Variants in STK32B observed in about 807,000 individuals in gnomAD.
STK32B encodes the protein serine/threonine kinase 32B, also known as serine/threonine-protein kinase 32B.
Under a neutral mutation model 52.6 loss-of-function variants are expected in STK32B, and 43 were observed. The observed-to-expected ratio is 0.82, with a 90% CI of 0.64 to 1.05. The LOEUF is 1.05. Among genes scored for constraint, STK32B ranks in the 50% least tolerant of loss-of-function variants. STK32B has a pLI of 0.00. For missense variants in STK32B, 621 were observed against 534.6 expected, an observed-to-expected ratio of 1.16 and a Z score of -1.59; for synonymous variants, 238 against 204.3, an observed-to-expected ratio of 1.17 and a Z score of -1.41.
At chr4:5,113,423 C>T (rs528372513) in intron 1 of STK32B, among the ~76,000 whole-genome samples, 37 of 152,104 alleles carry the variant, frequency 2.4e-4, no homozygotes, top group Non-Finnish European at 3.8e-4. Context: ...ACCAAGACAC[C>T]GTGTGAATGC....
chr4:5,290,114 A>T (rs10012130), intron 3 of STK32B, among the ~76,000 whole-genome samples: 16,640 of 152,064 alleles, frequency 0.11, 938 homozygotes, highest in South Asian at 0.16. Context: ...CATGCAGTAT[A>T]TGGTATTCTG....
chr4:5,169,001 C>T (rs1190313160), intron 3 of STK32B, among the ~76,000 whole-genome samples: 3 of 152,188 alleles, frequency 2.0e-5, no homozygotes, highest in Non-Finnish European at 4.4e-5. Context: ...GTTGGTGGTT[C>T]CCTGCCTCTG....
intron 7 of STK32B, among the ~76,000 whole-genome samples, chr4:5,455,983 C>G (rs930385880): frequency 6.6e-6 from 1 of 152,144 alleles, no homozygotes; most frequent in African/African-American, 2.4e-5. Flanking sequence ...GGCCATGATA[C>G]CAACCTGAAA....
chr4:5,247,449 C>T (rs1333593403), intron 3 of STK32B, among the ~76,000 whole-genome samples: 4 of 152,026 alleles, frequency 2.6e-5, no homozygotes, highest in East Asian at 1.9e-4. Flanking sequence ...GGGAGTGACC[C>T]GATTTTCCAG....
intron 3 of STK32B, among the ~76,000 whole-genome samples, chr4:5,264,832 C>A (rs930194510): frequency 6.6e-6 from 1 of 152,066 alleles, no homozygotes; most frequent in Non-Finnish European, 1.5e-5. Context: ...TTTATATATT[C>A]CTGATGAAAG....
rs549815786 is a variant in STK32B, at chr4:5,399,630, T to C, written c.472+1386T>C. Reference sequence around the variant, plus strand: ...AACGTCTCCAGTTTGTATCTAAAAGTCAGGATCTTCAGATGTGGCACTCAG... The same window carrying C: ...AACGTCTCCAGTTTGTATCTAAAAGCCAGGATCTTCAGATGTGGCACTCAG... On this transcript the variant is annotated intron_variant, in intron 5 of 11. Transcript: ENST00000282908. The surrounding 1 kb of genome is among the most constrained non-coding windows in gnomAD (Gnocchi z 5.4). Among the ~76,000 whole-genome samples, 1 of 152,226 alleles carries C rather than the reference T, an allele frequency of 6.6e-6. No homozygotes were observed. Among genetic ancestry groups the C allele is most frequent in the South Asian group, 2.1e-4 (1 of 4,814 alleles).
At chr4:5,049,098 AACTTTG>A (rs1741670537), upstream of STK32B, among the ~76,000 whole-genome samples, 1 of 152,160 alleles carries the variant, frequency 6.6e-6, no homozygotes, top group African/African-American at 2.4e-5. Context: ...AGGCCTGGAG[AACTTTG>A]CACCAGTAGC....
chr4:5,333,819 T>G (rs1246246754), intron 4 of STK32B, among the ~76,000 whole-genome samples: 3 of 152,204 alleles, frequency 2.0e-5, no homozygotes, highest in Non-Finnish European at 4.4e-5. Flanking sequence ...GGCTCTGTTG[T>G]GTTCCATTGA....
chr4:5,270,706 G>A (rs28856701), intron 3 of STK32B, among the ~76,000 whole-genome samples: 10,469 of 152,102 alleles, frequency 0.069, 432 homozygotes, highest in East Asian at 0.12. Flanking sequence ...AGCTATTTCT[G>A]TAAGGCAAGA....
intron 3 of STK32B, among the ~76,000 whole-genome samples, chr4:5,318,909 C>T (rs985488229): frequency 2.6e-5 from 4 of 151,948 alleles, no homozygotes; most frequent in East Asian, 1.9e-4. Context: ...ATGCCATTCA[C>T]CTGCCTCAGC....
At chr4:5,358,121 A>G (rs1002695432) in intron 4 of STK32B, among the ~76,000 whole-genome samples, 15 of 152,184 alleles carry the variant, frequency 9.9e-5, no homozygotes, top group African/African-American at 3.4e-4. Flanking sequence ...AGTGAGATAC[A>G]AGAGAATCCA....
At chr4:5,437,005 C>T (rs943720361) in intron 6 of STK32B, among the ~76,000 whole-genome samples, 1 of 152,196 alleles carries the variant, frequency 6.6e-6, no homozygotes, top group South Asian at 2.1e-4. Flanking sequence ...TTATTAAGTG[C>T]CTTCTGTATA....
rs78849090 is a variant in STK32B at position 5,439,316 on chromosome 4, T to G, written c.563-7357T>G. 2.4e-4 allele frequency among the ~76,000 whole-genome samples: 37 copies of G among 151,530 alleles called. 1 individual carries two copies. The East Asian group carries it at 5.4e-3, about 22-fold the overall frequency. On this transcript the variant is annotated intron_variant, in intron 6 of 11. Coordinates refer to ENST00000282908, the MANE Select transcript of STK32B (RefSeq NM_018401.3). ...CATTCTAACTGGTGTGAGATGGTATTTCATTGTGGTTTGGATTTGCATTTC... is the reference window on the plus strand; with the variant it reads ...CATTCTAACTGGTGTGAGATGGTATGTCATTGTGGTTTGGATTTGCATTTC...
chr4:5,437,247 C>T (rs748594148), intron 6 of STK32B, among the ~76,000 whole-genome samples: 37 of 152,366 alleles, frequency 2.4e-4, no homozygotes, highest in Non-Finnish European at 2.1e-4. Context: ...CAAATTACTA[C>T]GAACTGAGTG....
At chr4:5,387,279 T>C (rs1044652549) in intron 4 of STK32B, among the ~76,000 whole-genome samples, 2 of 152,176 alleles carry the variant, frequency 1.3e-5, no homozygotes, top group African/African-American at 4.8e-5. Flanking sequence ...CAGTGTCTGT[T>C]GAACACCTGC....
At chr4:5,223,988 A>C (rs1056449569) in intron 3 of STK32B, among the ~76,000 whole-genome samples, 5 of 152,152 alleles carry the variant, frequency 3.3e-5, no homozygotes, top group East Asian at 3.9e-4. Context: ...TTTTGTAAGC[A>C]CATAACTTGT....
chr4:5,390,628 T>G (rs1476286069), intron 4 of STK32B, among the ~76,000 whole-genome samples: 1 of 151,576 alleles, frequency 6.6e-6, no homozygotes, highest in Non-Finnish European at 1.5e-5. Flanking sequence ...CAGCAGGGAG[T>G]AAATGGACAA....
At chr4:5,421,568 A>G (rs929294665) in intron 6 of STK32B, among the ~76,000 whole-genome samples, 2 of 152,184 alleles carry the variant, frequency 1.3e-5, no homozygotes, top group Admixed American at 6.5e-5. Flanking sequence ...CTCTGCCTGC[A>G]TGTGGCACCA....
At chr4:5,062,545 C>CTGGAGT (rs1742256421) in intron 1 of STK32B, among the ~76,000 whole-genome samples, 1 of 152,102 alleles carries the variant, frequency 6.6e-6, no homozygotes, top group African/African-American at 2.4e-5. Flanking sequence ...CTTGCACTGT[C>CTGGAGT]GCCCAGGCTG....
Sources: gnomAD v4.1 joint callset for allele counts (sites outside exome capture counted in the v4.1 genomes callset) on GRCh38, gnomAD v4.1.1 for gene constraint, Gnocchi (gnomAD v3.1) non-coding constraint, MANE v1.5 for transcripts, NCBI Gene and HGNC (gene_info 2026-07-23, HGNC 2026-07-21) for gene names.